Variants in CDH12 observed in about 807,000 individuals in gnomAD.
CDH12 encodes the protein cadherin 12.
In CDH12, 41 loss-of-function variants were observed where a neutral mutation model predicts 74.1. That is an observed-to-expected ratio of 0.55 (90% CI 0.43 to 0.72). The LOEUF (loss-of-function observed/expected upper bound fraction) is 0.72, where lower values mean the gene tolerates loss of function less well. Ranked by LOEUF, CDH12 falls within the 30% of genes least tolerant of loss-of-function variation. The probability of loss-of-function intolerance (pLI) is 0.00; values close to 1 mark genes in which losing one functional copy is unlikely to be tolerated. For missense variants in CDH12, 945 were observed against 977.2 expected, an observed-to-expected ratio of 0.97 and a Z score of 0.44; for synonymous variants, 399 against 355.0, an observed-to-expected ratio of 1.12 and a Z score of -1.39.
intron 13 of CDH12, 114 bp downstream of exon 13, chr5:21,760,444 A>G: frequency 1.2e-5 from 8 of 672,122 alleles, no homozygotes; most frequent in Non-Finnish European, 8.1e-6. Flanking sequence ...TTCTCATGTA[A>G]GGATCTCATA....
intron 3 of CDH12, among the ~76,000 whole-genome samples, chr5:22,218,256 A>G (rs1042472875): frequency 6.6e-6 from 1 of 151,724 alleles, no homozygotes; most frequent in African/African-American, 2.4e-5. Context: ...TTCACTCCAA[A>G]GAAAAAAAAG....
intron 1 of CDH12, among the ~76,000 whole-genome samples, chr5:22,732,489 C>T (rs1407961344): frequency 1.3e-5 from 2 of 151,330 alleles, no homozygotes. Flanking sequence ...CACACACACA[C>T]ACACACACAC....
chr5:22,429,933 T>A (rs1383656393), intron 2 of CDH12, among the ~76,000 whole-genome samples: 1 of 152,226 alleles, frequency 6.6e-6, no homozygotes, highest in Admixed American at 6.5e-5. Flanking sequence ...GATGGCCATA[T>A]AATTAGATAT....
At chr5:22,021,367 A>G (rs1737961535) in intron 5 of CDH12, among the ~76,000 whole-genome samples, 1 of 152,188 alleles carries the variant, frequency 6.6e-6, no homozygotes. Flanking sequence ...GAAAGGAGAT[A>G]GGATCTATCA....
At chr5:22,340,951 T>G (rs1234438534) in intron 3 of CDH12, among the ~76,000 whole-genome samples, 2 of 152,238 alleles carry the variant, frequency 1.3e-5, no homozygotes, top group Non-Finnish European at 2.9e-5. Context: ...CTGTTATCTT[T>G]GTAATATAAA....
intron 6 of CDH12, among the ~76,000 whole-genome samples, chr5:21,947,008 T>C (rs1292475942): frequency 2.0e-5 from 3 of 152,214 alleles, no homozygotes; most frequent in Non-Finnish European, 4.4e-5. Flanking sequence ...TGAGATCTGA[T>C]GGTTTTAAAA....
chr5:22,460,770 G>T (rs1423295153), intron 2 of CDH12, among the ~76,000 whole-genome samples: 1 of 134,262 alleles, frequency 7.4e-6, no homozygotes, highest in Admixed American at 9.2e-5. Context: ...CCCCAGGATG[G>T]AGCGTGATGG....
At chr5:22,136,090 T>C (rs1390938006) in intron 4 of CDH12, among the ~76,000 whole-genome samples, 1 of 151,976 alleles carries the variant, frequency 6.6e-6, no homozygotes, top group East Asian at 1.9e-4. Context: ...GTCATAAGTA[T>C]AATGGATAGG....
chr5:21,880,595 CCTTCCTT>C (rs1752235068), intron 6 of CDH12, among the ~76,000 whole-genome samples: 2 of 52,724 alleles, frequency 3.8e-5, no homozygotes, highest in African/African-American at 1.3e-4. Context: ...TTCCTTCCTT[CCTTCCTT>C]CCTTCCTTCC....
chr5:22,501,230 CTT>C (rs1448747908), intron 2 of CDH12, among the ~76,000 whole-genome samples: 1 of 152,106 alleles, frequency 6.6e-6, no homozygotes, highest in Non-Finnish European at 1.5e-5. Context: ...CTTTGTGTCT[CTT>C]GAGTGTGATT....
chr5:21,775,856 T>C (rs1193871294), intron 11 of CDH12, among the ~76,000 whole-genome samples: 2 of 152,074 alleles, frequency 1.3e-5, no homozygotes, highest in Non-Finnish European at 1.5e-5. Context: ...ACAAATATGG[T>C]TTCTAATTTT....
At chr5:22,337,278 T>C (rs1739632920) in intron 3 of CDH12, among the ~76,000 whole-genome samples, 2 of 152,158 alleles carry the variant, frequency 1.3e-5, no homozygotes, top group South Asian at 4.1e-4. Flanking sequence ...GACTTTGGAA[T>C]ATGGACTTTT....
intron 5 of CDH12, among the ~76,000 whole-genome samples, chr5:21,992,759 C>G (rs1757806451): frequency 1.3e-5 from 2 of 152,064 alleles, no homozygotes; most frequent in Admixed American, 1.3e-4. Context: ...ATTTCCAAGA[C>G]TAACCAGGGT....
At chr5:22,333,902 T>C (rs908314136) in intron 3 of CDH12, among the ~76,000 whole-genome samples, 1 of 152,172 alleles carries the variant, frequency 6.6e-6, no homozygotes, top group Non-Finnish European at 1.5e-5. Flanking sequence ...TTTCAATTGA[T>C]GCTGAAAAAG....
At chr5:21,785,987 C>G (rs895737359) in intron 10 of CDH12, among the ~76,000 whole-genome samples, 2 of 152,126 alleles carry the variant, frequency 1.3e-5, no homozygotes, top group African/African-American at 4.8e-5. Context: ...CAGCCTGACT[C>G]TCTTAGTAGA....
At chr5:21,958,478 T>C (rs1756200528) in intron 6 of CDH12, among the ~76,000 whole-genome samples, 1 of 152,186 alleles carries the variant, frequency 6.6e-6, no homozygotes, top group Admixed American at 6.5e-5. Context: ...GTATATTGTG[T>C]AAGGAAGGGG....
At chr5:22,813,998 G>A (rs1175650874) in intron 1 of CDH12, among the ~76,000 whole-genome samples, 2 of 152,090 alleles carry the variant, frequency 1.3e-5, no homozygotes, top group African/African-American at 2.4e-5. Context: ...AGGGAAAATA[G>A]GCAATAATGA....
chr5:22,541,632 C>T (rs543682451), intron 1 of CDH12, among the ~76,000 whole-genome samples: 85 of 152,240 alleles, frequency 5.6e-4, no homozygotes, highest in African/African-American at 1.9e-3. Flanking sequence ...TCCCCCACCC[C>T]AGTGGGGATG....
At chr5:21,790,870 A>G (rs1031452309) in intron 10 of CDH12, among the ~76,000 whole-genome samples, 1 of 151,976 alleles carries the variant, frequency 6.6e-6, no homozygotes, top group South Asian at 2.1e-4. Flanking sequence ...TGAACTATGA[A>G]GCTCCCACAC....
Sources: allele counts gnomAD v4.1 joint callset (sites outside exome capture counted in the v4.1 genomes callset), GRCh38; gene constraint gnomAD v4.1.1; transcripts MANE v1.5; gene names NCBI Gene and HGNC (gene_info 2026-07-23, HGNC 2026-07-21).